The following SLC6A6 variants were observed in gnomAD, a reference collection of about 807,000 sequenced individuals.
SLC6A6 encodes solute carrier family 6 member 6, also known as sodium- and chloride-dependent taurine transporter.
In SLC6A6, 16 loss-of-function variants were observed where a neutral mutation model predicts 68.8. The ratio of observed to expected loss-of-function variants is 0.23; its 90% confidence interval spans 0.16 to 0.35. SLC6A6 has a LOEUF of 0.35. SLC6A6 is among the 10% of genes least tolerant of loss of function. The pLI is 1.00. For synonymous variants in SLC6A6, 312 were observed against 315.4 expected, an observed-to-expected ratio of 0.99 and a Z score of 0.12; for missense variants, 474 against 802.8, an observed-to-expected ratio of 0.59 and a Z score of 4.95.
chr3:14,477,629 A>G lies in SLC6A6; in HGVS notation c.1347+287A>G, dbSNP rs1194551626. Among the ~76,000 whole-genome samples, 1 of 152,206 alleles carries G rather than the reference A, an allele frequency of 6.6e-6. No individual in the cohort carries two copies. Among genetic ancestry groups the G allele is most frequent in the Non-Finnish European group, 1.5e-5 (1 of 68,030 alleles). On this transcript the variant is annotated intron_variant, in intron 11 of 14. Coordinates refer to ENST00000622186, the MANE Select transcript of SLC6A6 (RefSeq NM_003043.6). The surrounding 1 kb of genome is among the most constrained non-coding windows in gnomAD (Gnocchi z 4.2). Reference sequence around the variant, plus strand: ...ATCTTCAGCTGAAATCCATTTCACAACATCTCTGTTCACCCCTGACTGTGT... The same window carrying G: ...ATCTTCAGCTGAAATCCATTTCACAGCATCTCTGTTCACCCCTGACTGTGT...
chr3:14,468,345 C>CCG lies in SLC6A6; in HGVS notation c.1096+133_1096+134insCG, dbSNP rs1559310208. The CCG allele has an allele frequency of 2.8e-6, 2 of 719,554 alleles. No individual in the cohort carries two copies. Among genetic ancestry groups the CCG allele is most frequent in the Non-Finnish European group, 4.3e-6 (2 of 464,014 alleles). 44.6% of individuals were successfully genotyped at this position (719,554 alleles called of 1,614,324 possible). ...TGGTTTCTAAAATGGACCCCCCCCC[C>CCG]GCCACCAAGATATCCCCCAAATTTC... On this transcript the variant is annotated intron_variant, in intron 9 of 14. Coordinates refer to ENST00000622186, the MANE Select transcript of SLC6A6 (RefSeq NM_003043.6). This position sits in a 1 kb window ranked among gnomAD's most constrained non-coding sequence, Gnocchi z 4.5.
Position 14,485,178 on chromosome 3 carries a change from A to T in SLC6A6, c.*171A>T. 3.2e-6 allele frequency: 1 copy of T among 314,920 alleles called. No individual in the cohort carries two copies. The highest frequency in any genetic ancestry group is 5.1e-6 in the Non-Finnish European group (1 of 197,586). 19.5% of individuals were successfully genotyped at this position (314,920 alleles called of 1,614,324 possible). A position where few individuals can be genotyped will look rare whatever the true frequency, so the allele number is the denominator to read the frequency against. On this transcript the variant is annotated 3_prime_UTR_variant, in exon 15 of 15. Coordinates refer to ENST00000622186, the MANE Select transcript of SLC6A6 (RefSeq NM_003043.6). ...TGCGTGCGTGTGTGTGTGTGTGTGT[A>T]TCGTGTGTGTGTGTTTTGTTTTGAT...
intron 1 of SLC6A6, among the ~76,000 whole-genome samples, chr3:14,409,577 C>T (rs982115629): frequency 2.0e-5 from 3 of 152,234 alleles, no homozygotes; most frequent in Admixed American, 6.5e-5. Context: ...TCATGAGTGC[C>T]TACTGTGTGC....
At chr3:14,458,109 G>T in intron 6 of SLC6A6, 27 bp downstream of exon 6, 1 of 1,609,072 alleles carries the variant, frequency 6.2e-7, no homozygotes. Flanking sequence ...TCCGTCCCCT[G>T]CCTCCTGGAG....
At chr3:14,479,987 GAGGACAAAT>G (rs1026982464) in intron 13 of SLC6A6, among the ~76,000 whole-genome samples, 8 of 152,202 alleles carry the variant, frequency 5.3e-5, no homozygotes, top group African/African-American at 1.9e-4. Flanking sequence ...GACAGGTGCT[GAGGACAAAT>G]AGGCCCTCCC....
Position 14,472,328 on chromosome 3 carries a change from G to C in SLC6A6, c.1209+11G>C, listed in dbSNP as rs1327108867. ...GGACTGGATAGCCAGGTGCGTATAAGGGATGGCCCTGGGGCGACTGCCCCT... is the reference window on the plus strand; with the variant it reads ...GGACTGGATAGCCAGGTGCGTATAACGGATGGCCCTGGGGCGACTGCCCCT... On this transcript the variant is annotated intron_variant, in intron 10 of 14. Transcript: ENST00000622186. The surrounding 1 kb of genome is among the most constrained non-coding windows in gnomAD (Gnocchi z 4.5). The C allele has an allele frequency of 2.0e-6, 3 of 1,519,926 alleles. No individual in the cohort carries two copies. The highest frequency in any genetic ancestry group is 2.7e-6 in the Non-Finnish European group (3 of 1,094,308). The allele number at this position is 1,519,926 out of a possible 1,614,324, so 94.2% of individuals were successfully genotyped here. A position where few individuals can be genotyped will look rare whatever the true frequency, so the allele number is the denominator to read the frequency against.
At chr3:14,447,946 G>A in intron 5 of SLC6A6, 130 bp downstream of exon 5, 1 of 1,468,802 alleles carries the variant, frequency 6.8e-7, no homozygotes, top group Non-Finnish European at 9.0e-7. Context: ...TGCAGATCTG[G>A]AGATAAATTT....
intron 11 of SLC6A6, among the ~76,000 whole-genome samples, chr3:14,478,005 C>T (rs529694818): frequency 1.3e-5 from 2 of 151,716 alleles, no homozygotes; most frequent in African/African-American, 4.9e-5. Flanking sequence ...CCCCCCCCCA[C>T]CACCTCCCCT....
At chr3:14,482,813 C>T (rs1451405148) in intron 14 of SLC6A6, among the ~76,000 whole-genome samples, 1 of 152,136 alleles carries the variant, frequency 6.6e-6, no homozygotes, top group Admixed American at 6.5e-5. Context: ...AGCACCCCAA[C>T]CAGTCTTTAG....
At position 14,450,185 on chromosome 3, in the gene SLC6A6, C is replaced by T. The variant is rs1472789052; in HGVS notation, c.599+2369C>T. Among the ~76,000 whole-genome samples the T allele has an allele frequency of 3.3e-5, 5 of 152,050 alleles. No individual in the cohort carries two copies. The highest frequency in any genetic ancestry group is 5.9e-5 in the Non-Finnish European group (4 of 68,008). ...ATCCTCTTCTGGGCTCTGCTTGTCTCGCTGTTGTCTAGGACCCAGGGGTCT... is the reference window on the plus strand; with the variant it reads ...ATCCTCTTCTGGGCTCTGCTTGTCTTGCTGTTGTCTAGGACCCAGGGGTCT... On this transcript the variant is annotated intron_variant, in intron 5 of 14. Transcript: ENST00000622186. The surrounding 1 kb of genome is among the most constrained non-coding windows in gnomAD (Gnocchi z 4.1).
chr3:14,404,106 C>A (rs1271307489), intron 1 of SLC6A6, among the ~76,000 whole-genome samples: 1 of 152,246 alleles, frequency 6.6e-6, no homozygotes, highest in Non-Finnish European at 1.5e-5. Context: ...ATTTGGACTT[C>A]ACTAAATTGG....
intron 2 of SLC6A6, among the ~76,000 whole-genome samples, chr3:14,430,799 C>T (rs1200250006): frequency 6.6e-6 from 1 of 152,242 alleles, no homozygotes; most frequent in Non-Finnish European, 1.5e-5. Flanking sequence ...ATCTTTCAGG[C>T]CTCAGTTTCC....
In SLC6A6 at chr3:14,447,540, C is replaced by T. The variant is rs1247535954; in HGVS notation, c.365-42C>T. ...GAGTATGTGGCCGTGGTGGGTCTGG[C>T]CTCCCTCAGATGTTTACTCATCTCA... On this transcript the variant is annotated intron_variant, in intron 4 of 14. Transcript: ENST00000622186. 6 of 1,607,780 alleles carry T rather than the reference C, an allele frequency of 3.7e-6. No individual in the cohort carries two copies. The East Asian group carries it at 6.7e-5, about 18-fold the overall frequency.
chr3:14,461,549 A>G (rs1700494882), intron 6 of SLC6A6, among the ~76,000 whole-genome samples: 1 of 152,228 alleles, frequency 6.6e-6, no homozygotes, highest in South Asian at 2.1e-4. Context: ...GCAGACGCAC[A>G]GGGGAGGAGG....
Position 14,484,907 on chromosome 3 carries a change from G to A in SLC6A6, c.1763G>A (p.Trp588Ter). The change falls in exon 15 of 15, where the codon TGG becomes TAG. Residue 588 changes from tryptophan to a stop codon, truncating the protein, a stop_gained. Transcript: ENST00000622186. LOFTEE classifies it high-confidence loss of function. ...CTGACCCCAAGGGAACCCAACCGCT[G>A]GGCTGTGGAGCGCGAGGGAGCCACA... ...YLLTPREPNR[W>*]AVEREGATPY... 1 of 1,612,236 alleles carries A rather than the reference G, an allele frequency of 6.2e-7. No individual in the cohort carries two copies. Among genetic ancestry groups the A allele is most frequent in the East Asian group, 2.2e-5 (1 of 44,862 alleles).
At position 14,487,461 on chromosome 3, in the gene SLC6A6, G is replaced by A. The variant is rs940053738; in HGVS notation, c.*2454G>A. The A allele has an allele frequency of 3.3e-5, 5 of 152,280 alleles. No individual in the cohort carries two copies. Among genetic ancestry groups the A allele is most frequent in the African/African-American group, 9.7e-5 (4 of 41,436 alleles). The allele number at this position is 152,280 out of a possible 1,614,324, so 9.4% of individuals were successfully genotyped here. A position where few individuals can be genotyped will look rare whatever the true frequency, so the allele number is the denominator to read the frequency against. ...TCCGTATAAACGAAACTTTCCATGA[G>A]AGCTCATGACTCTGGTCCACCTGTC... On this transcript the variant is annotated 3_prime_UTR_variant, in exon 15 of 15. Transcript: ENST00000622186.
chr3:14,466,011 C>T (rs1700607438), intron 6 of SLC6A6, among the ~76,000 whole-genome samples: 1 of 152,108 alleles, frequency 6.6e-6, no homozygotes, highest in South Asian at 2.1e-4. Context: ...CCTATAATCC[C>T]AGCACTTTGG....
At chr3:14,453,348 T>C (rs1268573050) in intron 5 of SLC6A6, among the ~76,000 whole-genome samples, 2 of 152,178 alleles carry the variant, frequency 1.3e-5, no homozygotes, top group Non-Finnish European at 2.9e-5. Context: ...CCTCCCTCTG[T>C]ATGAGACAGA....
At chr3:14,475,873 T>C (rs1210156494) in intron 10 of SLC6A6, among the ~76,000 whole-genome samples, 1 of 152,228 alleles carries the variant, frequency 6.6e-6, no homozygotes, top group East Asian at 1.9e-4. Flanking sequence ...CTCCTGCTCG[T>C]CTTTTCCCTT....
Sources: allele counts gnomAD v4.1 joint callset (sites outside exome capture counted in the v4.1 genomes callset), GRCh38; gene constraint gnomAD v4.1.1; non-coding constraint Gnocchi (gnomAD v3.1); transcripts MANE v1.5; gene names NCBI Gene and HGNC (gene_info 2026-07-23, HGNC 2026-07-21).